Variants in ZNF345 observed in about 807,000 individuals in gnomAD.
ZNF345 encodes the protein zinc finger protein 345.
For missense variants in ZNF345, 527 were observed against 589.9 expected (o/e 0.89, Z 1.10); for synonymous variants, 166 against 187.9 (o/e 0.88, Z 0.95).
chr19:36,876,229 C>T (rs560970541), intron 2 of ZNF345, among the ~76,000 whole-genome samples: 17 of 152,270 alleles, frequency 1.1e-4, no homozygotes, highest in African/African-American at 3.4e-4. Context: ...TCATTTAGCA[C>T]ATTAGTCTTT....
At chr19:36,874,640 G>A (rs1043367070) in intron 2 of ZNF345, among the ~76,000 whole-genome samples, 2 of 151,962 alleles carry the variant, frequency 1.3e-5, no homozygotes, top group Non-Finnish European at 2.9e-5. Flanking sequence ...TTAGCCAGGC[G>A]TGGTGGCACA....
At chr19:36,853,113 C>T (rs920675626) in intron 2 of ZNF345, among the ~76,000 whole-genome samples, 1 of 151,984 alleles carries the variant, frequency 6.6e-6, no homozygotes, top group Non-Finnish European at 1.5e-5. Context: ...TGCCTTTTGA[C>T]AAATAGAAGT....
chr19:36,887,196 C>A (rs4806373), intron 3 of ZNF345, among the ~76,000 whole-genome samples: 82,507 of 146,902 alleles, frequency 0.56, 23,460 homozygotes, highest in East Asian at 0.81. Context: ...ACCACCACCA[C>A]CAACAACAAC....
At position 36,877,991 on chromosome 19, in the gene ZNF345, A is replaced by G. The variant is rs2072925846; in HGVS notation, c.1161A>G (p.Gln387=). The G allele has an allele frequency of 6.2e-7, 1 of 1,613,586 alleles. No homozygotes were observed. The highest frequency in any genetic ancestry group is 1.7e-5 in the Admixed American group (1 of 59,964). ...TTGGTAGTGGCTCAAAACTTATCCA[A>G]CACCAGCTAATCCATACTGGTGAAA... ...KAFGSGSKLI[Q]HQLIHTGERP... Residue 387 remains glutamine (Q), a synonymous_variant, in exon 3 of 3, where the codon CAA becomes CAG. Transcript: ENST00000420450.
At chr19:36,887,274 G>A (rs1267449390) in intron 3 of ZNF345, among the ~76,000 whole-genome samples, 1 of 152,106 alleles carries the variant, frequency 6.6e-6, no homozygotes, top group African/African-American at 2.4e-5. Flanking sequence ...TAAATGCAAT[G>A]TGTTCTCCTG....
At chr19:36,856,440 C>T (rs768906003) in intron 2 of ZNF345, among the ~76,000 whole-genome samples, 3 of 151,926 alleles carry the variant, frequency 2.0e-5, no homozygotes, top group African/African-American at 7.3e-5. Context: ...ATAAGTAATT[C>T]GTATTATATA....
chr19:36,883,452 C>T (rs895783551), downstream of ZNF345, among the ~76,000 whole-genome samples: 2 of 152,194 alleles, frequency 1.3e-5, no homozygotes, highest in Non-Finnish European at 2.9e-5. Flanking sequence ...TTCCCTTGAA[C>T]TCCACACTCA....
chr19:36,868,002 CTT>C (rs569167997), intron 2 of ZNF345, among the ~76,000 whole-genome samples: 21 of 126,986 alleles, frequency 1.7e-4, no homozygotes, highest in South Asian at 1.0e-3. Flanking sequence ...TGAGGAGTGG[CTT>C]TTTTTTTTTT....
intron 3 of ZNF345, among the ~76,000 whole-genome samples, chr19:36,886,169 G>GAA (rs2072994951): frequency 6.6e-6 from 1 of 152,152 alleles, no homozygotes; most frequent in Admixed American, 6.5e-5. Context: ...AATAAATGGA[G>GAA]AAGAGATAAA....
intron 2 of ZNF345, among the ~76,000 whole-genome samples, chr19:36,873,401 G>A (rs1044411700): frequency 2.6e-5 from 4 of 152,008 alleles, no homozygotes; most frequent in African/African-American, 9.7e-5. Context: ...TACAACATGA[G>A]GTTTTGATAC....
At chr19:36,859,854 TTC>T (rs2072506592) in intron 2 of ZNF345, among the ~76,000 whole-genome samples, 1 of 150,834 alleles carries the variant, frequency 6.6e-6, no homozygotes, top group Non-Finnish European at 1.5e-5. Flanking sequence ...ACTTGTTTTC[TTC>T]TCTCTCTCCC....
chr19:36,887,609 G>T (rs998130253), intron 3 of ZNF345, among the ~76,000 whole-genome samples: 2 of 152,138 alleles, frequency 1.3e-5, no homozygotes. Flanking sequence ...GATTTATCAT[G>T]ATTTGAGTAA....
chr19:36,886,559 A>C (rs2072997855), intron 3 of ZNF345, among the ~76,000 whole-genome samples: 1 of 152,210 alleles, frequency 6.6e-6, no homozygotes, highest in Admixed American at 6.5e-5. Flanking sequence ...TAAAATGAGG[A>C]AGAGGGCCAG....
intron 2 of ZNF345, among the ~76,000 whole-genome samples, chr19:36,867,723 C>G (rs1445049500): frequency 1.3e-5 from 2 of 152,132 alleles, no homozygotes; most frequent in Non-Finnish European, 1.5e-5. Context: ...TGTCCCAATA[C>G]CATTTGTTGA....
intron 2 of ZNF345, among the ~76,000 whole-genome samples, chr19:36,852,128 C>CTT (rs35747733): frequency 0.037 from 3,778 of 102,620 alleles, 304 homozygotes; most frequent in African/African-American, 0.13. Context: ...TTCTTTCTTT[C>CTT]TTTTTTTTTT....
intron 2 of ZNF345, among the ~76,000 whole-genome samples, chr19:36,873,659 G>C (rs544616170): frequency 6.7e-6 from 1 of 150,086 alleles, no homozygotes. Flanking sequence ...ACAGTCCCTG[G>C]TAACTACCAT....
downstream of ZNF345, among the ~76,000 whole-genome samples, chr19:36,882,363 G>A (rs965207743): frequency 6.6e-6 from 1 of 152,150 alleles, no homozygotes; most frequent in East Asian, 1.9e-4. Flanking sequence ...CGCCTCCCAG[G>A]TTCAAGTGAT....
In ZNF345 at chr19:36,877,783, A is replaced by T. The variant is rs1214006361; in HGVS notation, c.953A>T (p.Glu318Val). The T allele has an allele frequency of 6.2e-7, 1 of 1,614,082 alleles. No homozygotes were observed. ...HTGEKPYECKECEKAFRSGSK... is the reference protein window; with the variant it reads ...HTGEKPYECKVCEKAFRSGSK... ...GGTGAGAAACCCTATGAGTGTAAGGAGTGTGAGAAAGCCTTTAGAAGTGGT... is the reference window on the plus strand; with the variant it reads ...GGTGAGAAACCCTATGAGTGTAAGGTGTGTGAGAAAGCCTTTAGAAGTGGT... Residue 318 changes from glutamate (E) to valine (V), a missense_variant, in exon 3 of 3, where the codon GAG becomes GTG. Transcript: ENST00000420450.
intron 2 of ZNF345, among the ~76,000 whole-genome samples, chr19:36,853,611 T>C (rs1158205114): frequency 6.6e-6 from 1 of 152,158 alleles, no homozygotes; most frequent in South Asian, 2.1e-4. Context: ...TAGGGTAGGA[T>C]TGAATTTCAT....
Sources: allele counts gnomAD v4.1 joint callset (sites outside exome capture counted in the v4.1 genomes callset), GRCh38; gene constraint gnomAD v4.1.1; transcripts MANE v1.5; gene names NCBI Gene and HGNC (gene_info 2026-07-23, HGNC 2026-07-21).